The following TMCC1 variants were observed in gnomAD, a reference collection of about 807,000 sequenced individuals.
TMCC1 encodes the protein transmembrane and coiled-coil domain family 1.
A neutral mutation model predicts 52.4 loss-of-function variants in TMCC1; 15 were observed. The ratio of observed to expected loss-of-function variants is 0.29; its 90% CI spans 0.19 to 0.44. TMCC1 has a LOEUF of 0.44. Ranked by LOEUF, TMCC1 falls within the 20% of genes least tolerant of loss-of-function variation. The probability of loss-of-function intolerance (pLI) is 1.00; values close to 1 mark genes in which losing one functional copy is unlikely to be tolerated. For synonymous variants in TMCC1, 279 were observed against 301.9 expected (o/e 0.92, Z 0.79); for missense variants, 503 against 806.0 (o/e 0.62, Z 4.55).
chr3:129,681,666 G>A (rs765873927), intron 4 of TMCC1, among the ~76,000 whole-genome samples: 1 of 152,008 alleles, frequency 6.6e-6, no homozygotes, highest in African/African-American at 2.4e-5. Flanking sequence ...CCAGAACTTT[G>A]GGAGGCCGAG....
At chr3:129,768,394 T>C (rs1469692250) in intron 4 of TMCC1, among the ~76,000 whole-genome samples, 1 of 152,168 alleles carries the variant, frequency 6.6e-6, no homozygotes, top group Non-Finnish European at 1.5e-5. Flanking sequence ...GATCTTAATA[T>C]GTCTGCAAGT....
intron 2 of TMCC1, among the ~76,000 whole-genome samples, chr3:129,852,263 C>A (rs576062891): frequency 8.9e-4 from 136 of 152,028 alleles, no homozygotes; most frequent in African/African-American, 2.9e-3. Context: ...TTGAGACCAG[C>A]CTGGCCTAAA....
intron 4 of TMCC1, among the ~76,000 whole-genome samples, chr3:129,769,472 TG>T (rs539687533): frequency 6.3e-4 from 96 of 152,058 alleles, no homozygotes; most frequent in Non-Finnish European, 1.2e-3. Flanking sequence ...TCAGGTGATC[TG>T]CCTGCCTCAG....
intron 5 of TMCC1, among the ~76,000 whole-genome samples, chr3:129,662,078 A>G (rs1362284682): frequency 6.6e-6 from 1 of 152,136 alleles, no homozygotes; most frequent in Non-Finnish European, 1.5e-5. Flanking sequence ...TTCATATGTG[A>G]AAGTCTTGGG....
At chr3:129,835,778 T>A (rs949173083) in intron 2 of TMCC1, among the ~76,000 whole-genome samples, 2 of 152,202 alleles carry the variant, frequency 1.3e-5, no homozygotes, top group Non-Finnish European at 2.9e-5. Flanking sequence ...TGGTAACTAA[T>A]GTTACTCCAG....
intron 4 of TMCC1, among the ~76,000 whole-genome samples, chr3:129,797,980 G>A (rs1425636835): frequency 7.4e-6 from 1 of 134,544 alleles, no homozygotes; most frequent in Non-Finnish European, 1.5e-5. Flanking sequence ...CACCCGAGTT[G>A]TGTGCCTTTT....
intron 4 of TMCC1, among the ~76,000 whole-genome samples, chr3:129,711,893 TA>T (rs1283832413): frequency 1.4e-5 from 2 of 141,924 alleles, no homozygotes; most frequent in African/African-American, 2.6e-5. Flanking sequence ...TCCCAGCTAC[TA>T]AGGAGGCTGA....
chr3:129,790,785 C>T (rs572741467), intron 4 of TMCC1, among the ~76,000 whole-genome samples: 13 of 152,288 alleles, frequency 8.5e-5, no homozygotes, highest in African/African-American at 2.4e-4. Flanking sequence ...AGTTTCACAA[C>T]TGCATGTAGG....
At chr3:129,798,415 G>A (rs975628952) in intron 4 of TMCC1, among the ~76,000 whole-genome samples, 1 of 150,866 alleles carries the variant, frequency 6.6e-6, no homozygotes, top group African/African-American at 2.5e-5. Flanking sequence ...ATACTGATGC[G>A]GAAATAATGA....
chr3:129,709,060 T>A (rs2048449950), intron 4 of TMCC1, among the ~76,000 whole-genome samples: 1 of 152,226 alleles, frequency 6.6e-6, no homozygotes, highest in Non-Finnish European at 1.5e-5. Context: ...ATTTGTCTAT[T>A]TTTCAAATAA....
intron 2 of TMCC1, among the ~76,000 whole-genome samples, chr3:129,867,802 G>A (rs182704808): frequency 2.6e-4 from 40 of 152,280 alleles, no homozygotes; most frequent in African/African-American, 8.9e-4. Context: ...AGAATAAACT[G>A]AGTCACTGAG....
intron 4 of TMCC1, among the ~76,000 whole-genome samples, chr3:129,696,113 C>A (rs1001857132): frequency 2.6e-5 from 4 of 152,134 alleles, no homozygotes. Context: ...CCCTCCCAAT[C>A]CTGAAGAGAT....
chr3:129,718,756 T>C (rs1253200157), intron 4 of TMCC1, among the ~76,000 whole-genome samples: 1 of 152,244 alleles, frequency 6.6e-6, no homozygotes, highest in Non-Finnish European at 1.5e-5. Flanking sequence ...AACATTTTCC[T>C]TATGATTTTC....
chr3:129,890,424 A>G (rs1387993290), intron 1 of TMCC1, among the ~76,000 whole-genome samples: 2 of 152,250 alleles, frequency 1.3e-5, no homozygotes, highest in African/African-American at 4.8e-5. Flanking sequence ...CCAAAGAAGT[A>G]AAAATCAGAT....
chr3:129,875,711 A>C (rs2061171251), intron 2 of TMCC1, among the ~76,000 whole-genome samples: 1 of 152,160 alleles, frequency 6.6e-6, no homozygotes, highest in South Asian at 2.1e-4. Flanking sequence ...TTTAATAAAC[A>C]AATGAAGAAA....
intron 4 of TMCC1, among the ~76,000 whole-genome samples, chr3:129,792,900 T>C (rs2056572631): frequency 1.3e-5 from 2 of 152,140 alleles, no homozygotes; most frequent in South Asian, 4.1e-4. Context: ...ATATACATAG[T>C]ATAGAGTGAA....
intron 5 of TMCC1, among the ~76,000 whole-genome samples, chr3:129,669,155 T>G (rs1013890618): frequency 7.9e-5 from 12 of 152,204 alleles, no homozygotes; most frequent in Admixed American, 6.5e-4. Flanking sequence ...AATTTATACA[T>G]GTGAACAATT....
chr3:129,743,890 ATTTCT>A (rs1207456151), intron 4 of TMCC1, among the ~76,000 whole-genome samples: 2 of 151,614 alleles, frequency 1.3e-5, no homozygotes, highest in Non-Finnish European at 2.9e-5. Flanking sequence ...AAAAAATCAG[ATTTCT>A]TTTCATTCTG....
At chr3:129,842,198 G>C (rs2059448428) in intron 2 of TMCC1, among the ~76,000 whole-genome samples, 1 of 152,146 alleles carries the variant, frequency 6.6e-6, no homozygotes, top group Admixed American at 6.5e-5. Flanking sequence ...AGGCATAGTG[G>C]CTCACCGTGG....
Sources: allele counts gnomAD v4.1 joint callset (sites outside exome capture counted in the v4.1 genomes callset), GRCh38; gene constraint gnomAD v4.1.1; transcripts MANE v1.5; gene names NCBI Gene and HGNC (gene_info 2026-07-23, HGNC 2026-07-21).